The following ZNF415 variants were observed in gnomAD, a reference collection of about 807,000 sequenced individuals.
ZNF415 encodes the protein zinc finger protein 415.
Under a neutral mutation model 7.3 loss-of-function variants are expected in ZNF415, and 5 were observed. The observed-to-expected ratio is 0.69, with a 90% CI of 0.36 to 1.44. ZNF415 has a LOEUF of 1.44. Among genes scored for constraint, ZNF415 ranks in the 40% most tolerant of loss-of-function variants. The pLI is 0.04. For missense variants in ZNF415, 628 were observed against 664.8 expected, an observed-to-expected ratio of 0.94 and a Z score of 0.61; for synonymous variants, 207 against 226.3, an observed-to-expected ratio of 0.91 and a Z score of 0.77.
intron 1 of ZNF415, among the ~76,000 whole-genome samples, chr19:53,132,122 T>A (rs2090156409): frequency 6.6e-6 from 1 of 152,184 alleles, no homozygotes; most frequent in Non-Finnish European, 1.5e-5. Context: ...CTCGGCTTCT[T>A]CTTCCACTCT....
At chr19:53,130,066 CA>C (rs11314090) in intron 1 of ZNF415, among the ~76,000 whole-genome samples, 84,980 of 123,320 alleles carry the variant, frequency 0.69, 27,347 homozygotes, top group Middle Eastern at 0.78. Flanking sequence ...CTCCAGCTCA[CA>C]AAAAAAAAAA....
intron 1 of ZNF415, among the ~76,000 whole-genome samples, chr19:53,124,590 C>A (rs890390112): frequency 6.6e-6 from 1 of 152,102 alleles, no homozygotes; most frequent in Admixed American, 6.6e-5. Flanking sequence ...AAATCATATC[C>A]TAACAATTGC....
chr19:53,120,313 C>G (rs1279920672), intron 2 of ZNF415, among the ~76,000 whole-genome samples: 2 of 152,138 alleles, frequency 1.3e-5, no homozygotes, highest in Non-Finnish European at 2.9e-5. Flanking sequence ...GAAAAAGGAG[C>G]AAGCTATCCT....
intron 1 of ZNF415, among the ~76,000 whole-genome samples, chr19:53,131,186 C>A (rs1410073618): frequency 1.3e-5 from 2 of 151,182 alleles, no homozygotes; most frequent in African/African-American, 4.9e-5. Context: ...AGATTGGACA[C>A]CCCTGCTTTA....
In ZNF415 at chr19:53,108,795, C is replaced by T. The variant is rs143486004; in HGVS notation, c.1250G>A (p.Cys417Tyr). 2.1e-5 allele frequency: 34 copies of T among 1,613,302 alleles called. 1 individual carries two copies. Among genetic ancestry groups the T allele is most frequent in the Non-Finnish European group, 2.7e-5 (32 of 1,179,418 alleles). The change falls in exon 4 of 4, where the codon TGT (cysteine) becomes TAT (tyrosine). Residue 417 changes from cysteine (C) to tyrosine (Y), a missense_variant. By Grantham distance (194) the Cys-to-Tyr change is radical. Transcript: ENST00000243643. ...TGEKPYKCNE[C>Y]GKVFSYNSHL... ...TGAATTGTAACTGAAAACCTTACCA[C>T]ATTCATTGCATTTGTAAGGTTTCTC...
At chr19:53,127,176 C>G (rs1012825982) in intron 1 of ZNF415, among the ~76,000 whole-genome samples, 2 of 149,116 alleles carry the variant, frequency 1.3e-5, no homozygotes, top group Non-Finnish European at 3.0e-5. Context: ...CCCACAGACG[C>G]CCCCACAACA....
chr19:53,126,335 C>T (rs556909917), intron 1 of ZNF415, among the ~76,000 whole-genome samples: 5 of 150,822 alleles, frequency 3.3e-5, no homozygotes, highest in Admixed American at 6.7e-5. Flanking sequence ...AGCAGACCCA[C>T]GTGGCCAATA....
Position 53,108,449 on chromosome 19 carries a change from G to C in ZNF415, c.1596C>G (p.Ser532=). 1.9e-6 allele frequency: 3 copies of C among 1,614,154 alleles called. No homozygotes were observed. In the South Asian group the frequency reaches 3.3e-5, roughly 18 times the overall value. The change falls in exon 4 of 4, where the codon TCC becomes TCG. Residue 532 remains serine, a synonymous_variant. Transcript: ENST00000243643. ...TGAAGAGGTTTGGGCGCACACTAAAGGACTTCCCACAATCACTACATTTGT... is the reference window on the plus strand; with the variant it reads ...TGAAGAGGTTTGGGCGCACACTAAACGACTTCCCACAATCACTACATTTGT... ...KPYKCSDCGK[S]FSVRPNLFRH...
chr19:53,130,599 A>G (rs2146713498), intron 1 of ZNF415, among the ~76,000 whole-genome samples: 1 of 152,358 alleles, frequency 6.6e-6, no homozygotes, highest in Non-Finnish European at 1.5e-5. Context: ...ACATGAGATG[A>G]AAGGGAATTA....
chr19:53,122,874 G>A, intron 1 of ZNF415, 131 bp from the exon 2 acceptor site: 1 of 649,512 alleles, frequency 1.5e-6, no homozygotes, highest in African/African-American at 1.8e-5. Flanking sequence ...CTACACCAGG[G>A]TGGCCCCAGG....
chr19:53,123,009 A>G (rs537408511), intron 1 of ZNF415, among the ~76,000 whole-genome samples: 56 of 152,258 alleles, frequency 3.7e-4, no homozygotes, highest in African/African-American at 1.2e-3. Flanking sequence ...AGCCCTGATT[A>G]AACCCCATGC....
At chr19:53,116,628 T>G (rs1295096216) in intron 2 of ZNF415, among the ~76,000 whole-genome samples, 195 bp from the exon 3 acceptor site, 1 of 140,844 alleles carries the variant, frequency 7.1e-6, no homozygotes, top group East Asian at 2.1e-4. Context: ...TTTTTTTTTT[T>G]GGTTTGAGAC....
At chr19:53,131,580 C>T (rs755812058) in intron 1 of ZNF415, among the ~76,000 whole-genome samples, 32 of 151,932 alleles carry the variant, frequency 2.1e-4, no homozygotes, top group Non-Finnish European at 4.4e-4. Context: ...CGCTCTCATT[C>T]TCACCTTCTT....
In ZNF415 at chr19:53,109,362, C is replaced by T. The variant is rs1054072975; in HGVS notation, c.683G>A (p.Gly228Asp). The change falls in exon 4 of 4, where the codon GGC (glycine) becomes GAC (aspartate). Residue 228 changes from glycine (G) to aspartate (D), a missense_variant. Gly to Asp is a moderately conservative substitution (Grantham distance 94). Transcript: ENST00000243643. ...YIECDKALNH[G>D]SHMTVRQVSH... Reference sequence around the variant, plus strand: ...TACCTGACGTACAGTCATGTGTGAGCCATGATTCAAGGCTTTGTCGCACTC... The same window carrying T: ...TACCTGACGTACAGTCATGTGTGAGTCATGATTCAAGGCTTTGTCGCACTC... 3 of 1,614,058 alleles carry T rather than the reference C, an allele frequency of 1.9e-6. No homozygotes were observed. The highest frequency in any genetic ancestry group is 1.3e-5 in the African/African-American group (1 of 74,932).
intron 2 of ZNF415, among the ~76,000 whole-genome samples, chr19:53,117,454 G>A (rs1247901750): frequency 1.3e-4 from 19 of 147,074 alleles, no homozygotes; most frequent in African/African-American, 4.7e-4. Flanking sequence ...AAAAAAAAAA[G>A]AAAGAAAGAG....
chr19:53,121,899 T>C (rs2088142226), intron 2 of ZNF415, among the ~76,000 whole-genome samples: 1 of 152,062 alleles, frequency 6.6e-6, no homozygotes, highest in African/African-American at 2.4e-5. Context: ...GCACAAAATA[T>C]ATCCCCTTAT....
chr19:53,119,016 C>T (rs918125363), intron 2 of ZNF415, among the ~76,000 whole-genome samples: 1 of 151,462 alleles, frequency 6.6e-6, no homozygotes, highest in Non-Finnish European at 1.5e-5. Flanking sequence ...CGCAGTGGCT[C>T]ACGCCTGTAG....
chr19:53,112,755 C>T (rs992522451), intron 3 of ZNF415, among the ~76,000 whole-genome samples: 22 of 152,184 alleles, frequency 1.4e-4, no homozygotes, highest in African/African-American at 4.3e-4. Flanking sequence ...AATCTGCATG[C>T]ACATGTGTGG....
At chr19:53,121,245 C>T (rs2146468707) in intron 2 of ZNF415, among the ~76,000 whole-genome samples, 1 of 150,874 alleles carries the variant, frequency 6.6e-6, no homozygotes, top group East Asian at 2.0e-4. Context: ...ATTAGCCAGG[C>T]ATAGTGGCGG....
Sources: allele counts gnomAD v4.1 joint callset (sites outside exome capture counted in the v4.1 genomes callset), GRCh38; gene constraint gnomAD v4.1.1; transcripts MANE v1.5; gene names NCBI Gene and HGNC (gene_info 2026-07-23, HGNC 2026-07-21).